The following CDH19 variants were observed in gnomAD, a reference collection of about 807,000 sequenced individuals.
The protein encoded by CDH19 is cadherin 19.
Under a neutral mutation model 64.2 loss-of-function variants are expected in CDH19, and 67 were observed. The ratio of observed to expected loss-of-function variants is 1.04; its 90% CI spans 0.86 to 1.28. The LOEUF (loss-of-function observed/expected upper bound fraction) is 1.28. CDH19 is among the 50% of genes most tolerant of loss of function. The pLI is 0.00. For missense variants in CDH19, 1,030 were observed against 929.0 expected (o/e 1.11, Z -1.41); for synonymous variants, 346 against 319.3 (o/e 1.08, Z -0.89).
intron 8 of CDH19, chr18:66,532,489 T>TACGC (rs1555685602): frequency 6.8e-6 from 1 of 146,236 alleles, no homozygotes; most frequent in African/African-American, 2.7e-5. Context: ...AGAGCATTCA[T>TACGC]ACACACACAC....
intron 3 of CDH19, among the ~76,000 whole-genome samples, chr18:66,555,423 G>C (rs1599010948): frequency 6.6e-6 from 1 of 151,628 alleles, no homozygotes; most frequent in Non-Finnish European, 1.5e-5. Flanking sequence ...ACTCTAATAG[G>C]AATCCATTCT....
chr18:66,557,387 T>G (rs1254349782), intron 3 of CDH19, among the ~76,000 whole-genome samples: 1 of 152,024 alleles, frequency 6.6e-6, no homozygotes, highest in Non-Finnish European at 1.5e-5. Flanking sequence ...AGTGTTTTTC[T>G]CCTGTTGTCT....
chr18:66,551,716 G>GAATAA (rs1987350760), intron 4 of CDH19, among the ~76,000 whole-genome samples: 1 of 151,966 alleles, frequency 6.6e-6, no homozygotes, highest in Admixed American at 6.6e-5. Context: ...GAGATCTGAA[G>GAATAA]AAGACCTGGT....
At chr18:66,584,537 C>G (rs1218606691) in intron 1 of CDH19, among the ~76,000 whole-genome samples, 1 of 152,042 alleles carries the variant, frequency 6.6e-6, no homozygotes, top group African/African-American at 2.4e-5. Context: ...ACAAATAATT[C>G]TATCATAATG....
chr18:66,548,581 T>C (rs1987225540), intron 5 of CDH19, among the ~76,000 whole-genome samples: 1 of 152,110 alleles, frequency 6.6e-6, no homozygotes, highest in Admixed American at 6.5e-5. Context: ...AAGGAGAAGT[T>C]GATCAATTAC....
At chr18:66,597,081 C>CAAAA (rs35253366) in intron 1 of CDH19, among the ~76,000 whole-genome samples, 2,544 of 26,176 alleles carry the variant, frequency 0.097, 267 homozygotes, top group East Asian at 0.24. Context: ...GACTCCATCT[C>CAAAA]AAAAAAAAAA....
intron 7 of CDH19, among the ~76,000 whole-genome samples, chr18:66,542,052 A>G (rs2144477359): frequency 6.6e-6 from 1 of 152,284 alleles, no homozygotes; most frequent in Non-Finnish European, 1.5e-5. Flanking sequence ...TCAATACTTT[A>G]TTACTATAAA....
chr18:66,513,842 A>C (rs189287975), intron 9 of CDH19, among the ~76,000 whole-genome samples: 1 of 151,552 alleles, frequency 6.6e-6, no homozygotes. Context: ...ACCAATTCTG[A>C]AAGCTCAGAT....
Position 66,581,844 on chromosome 18 carries a change from C to G in CDH19, c.-112-9528G>C, listed in dbSNP as rs563467047. ...TGTGAGTTAATTCTCCTAATAAACTCCCTTTCATATATGCATATATCATAT... is the reference window on the plus strand; with the variant it reads ...TGTGAGTTAATTCTCCTAATAAACTGCCTTTCATATATGCATATATCATAT... On this transcript the variant is annotated intron_variant, in intron 1 of 11. Transcript: ENST00000262150. Among the ~76,000 whole-genome samples the G allele has an allele frequency of 5.9e-5, 9 of 152,128 alleles. No homozygotes were observed. In the South Asian group the frequency reaches 1.9e-3, roughly 32 times the overall value.
intron 3 of CDH19, among the ~76,000 whole-genome samples, chr18:66,558,220 C>T (rs2144536192): frequency 6.7e-6 from 1 of 149,560 alleles, no homozygotes; most frequent in African/African-American, 2.4e-5. Context: ...AGCAGTATTT[C>T]CAAATATTTA....
At chr18:66,572,629 T>C (rs1331747743) in intron 1 of CDH19, among the ~76,000 whole-genome samples, 1 of 151,716 alleles carries the variant, frequency 6.6e-6, no homozygotes, top group Non-Finnish European at 1.5e-5. Flanking sequence ...TAATTTGACT[T>C]GCTTACTTTC....
chr18:66,559,491 G>A (rs934428203), intron 3 of CDH19, among the ~76,000 whole-genome samples: 2 of 151,226 alleles, frequency 1.3e-5, no homozygotes, highest in African/African-American at 4.9e-5. Context: ...CAGTTATAAC[G>A]CATTTATAGA....
intron 7 of CDH19, among the ~76,000 whole-genome samples, chr18:66,538,363 C>T (rs1221519818): frequency 6.6e-6 from 1 of 152,012 alleles, no homozygotes; most frequent in Admixed American, 6.6e-5. Flanking sequence ...GTATTTTCAT[C>T]TATATCTTGG....
chr18:66,526,570 C>T (rs890563619), intron 9 of CDH19, among the ~76,000 whole-genome samples: 2 of 152,034 alleles, frequency 1.3e-5, no homozygotes, highest in Non-Finnish European at 2.9e-5. Flanking sequence ...TCTTCAATGA[C>T]TATGTGGGTA....
chr18:66,585,451 A>G (rs1190999423), intron 1 of CDH19, among the ~76,000 whole-genome samples: 2 of 152,010 alleles, frequency 1.3e-5, no homozygotes, highest in Non-Finnish European at 2.9e-5. Context: ...ATCACCTTGG[A>G]CGAATAGCTC....
At position 66,529,970 on chromosome 18, in the gene CDH19, C is replaced by A; in HGVS notation, c.1337-4G>T. 1 of 1,439,512 alleles carries A rather than the reference C, an allele frequency of 6.9e-7. No homozygotes were observed. The highest frequency in any genetic ancestry group is 9.4e-7 in the Non-Finnish European group (1 of 1,061,490). The allele number at this position is 1,439,512 out of a possible 1,614,324, so 89.2% of individuals were successfully genotyped here. On this transcript the variant is annotated splice_region_variant and splice_polypyrimidine_tract_variant and intron_variant, in intron 8 of 11. Transcript: ENST00000262150. ...GAAGAGATCTGTTCTATATTGTCTG[C>A]AATTTGAATATATATAATAAAAATC...
chr18:66,580,136 A>G (rs1450237093), intron 1 of CDH19, among the ~76,000 whole-genome samples: 1 of 152,062 alleles, frequency 6.6e-6, no homozygotes, highest in Non-Finnish European at 1.5e-5. Context: ...TGTTAAACAA[A>G]TACAAGTAAT....
At chr18:66,556,772 C>T (rs553971462) in intron 3 of CDH19, among the ~76,000 whole-genome samples, 8 of 151,976 alleles carry the variant, frequency 5.3e-5, no homozygotes, top group East Asian at 1.9e-4. Context: ...ATTTCTCCAA[C>T]GAAGACACAC....
intron 3 of CDH19, among the ~76,000 whole-genome samples, chr18:66,562,062 C>T (rs761493721): frequency 1.3e-5 from 2 of 151,840 alleles, no homozygotes; most frequent in Non-Finnish European, 2.9e-5. Flanking sequence ...TAACATAGGT[C>T]AGTGGTCCTT....
Sources: gnomAD v4.1 joint callset for allele counts (sites outside exome capture counted in the v4.1 genomes callset) on GRCh38, gnomAD v4.1.1 for gene constraint, MANE v1.5 for transcripts, NCBI Gene and HGNC (gene_info 2026-07-23, HGNC 2026-07-21) for gene names.